The following MIPOL1 variants were observed in gnomAD, a reference collection of about 807,000 sequenced individuals.
MIPOL1 encodes the protein mirror-image polydactyly gene 1 protein.
Under a neutral mutation model 60.9 loss-of-function variants are expected in MIPOL1, and 57 were observed. That is an observed-to-expected ratio of 0.94 (90% CI 0.76 to 1.17). The LOEUF (loss-of-function observed/expected upper bound fraction) is 1.17, where lower values mean the gene tolerates loss of function less well. Ranked by LOEUF, MIPOL1 falls within the 50% of genes most tolerant of loss-of-function variation. The probability of loss-of-function intolerance (pLI) is 0.00; values close to 1 mark genes in which losing one functional copy is unlikely to be tolerated. For missense variants in MIPOL1, 551 were observed against 511.6 expected, an observed-to-expected ratio of 1.08 and a Z score of -0.74; for synonymous variants, 179 against 168.8, an observed-to-expected ratio of 1.06 and a Z score of -0.47.
chr14:37,356,780 C>T (rs150067355), intron 9 of MIPOL1, among the ~76,000 whole-genome samples: 4,653 of 152,256 alleles, frequency 0.031, 85 homozygotes, highest in Middle Eastern at 0.092. Context: ...GCACGGTGCG[C>T]GAACCCACTG....
intron 7 of MIPOL1, 101 bp from the exon 8 acceptor site, chr14:37,307,955 C>T (rs771122992): frequency 3.3e-6 from 3 of 920,774 alleles, no homozygotes; most frequent in Admixed American, 2.1e-5. Flanking sequence ...AAAGACTAGT[C>T]GAATGAAATT....
At chr14:37,425,692 G>A (rs1384482810) in intron 11 of MIPOL1, among the ~76,000 whole-genome samples, 3 of 152,148 alleles carry the variant, frequency 2.0e-5, no homozygotes, top group Non-Finnish European at 4.4e-5. Context: ...CCAATGTTAA[G>A]ATATATTTCT....
chr14:37,351,811 C>A (rs1470824459), intron 9 of MIPOL1, among the ~76,000 whole-genome samples: 4 of 139,978 alleles, frequency 2.9e-5, no homozygotes, highest in Non-Finnish European at 4.7e-5. Flanking sequence ...GGATATTAGC[C>A]CTTTGTCAGA....
chr14:37,472,176 C>T (rs549420270), intron 11 of MIPOL1, among the ~76,000 whole-genome samples: 1 of 152,210 alleles, frequency 6.6e-6, no homozygotes, highest in Admixed American at 6.5e-5. Flanking sequence ...AGCATCAGTG[C>T]TTGTCCCTAA....
intron 1 of MIPOL1, among the ~76,000 whole-genome samples, chr14:37,199,213 G>A (rs1470979910): frequency 2.0e-5 from 3 of 152,158 alleles, no homozygotes. Context: ...CATGTATCCA[G>A]TATCTAGATC....
At position 37,517,691 on chromosome 14, in the gene MIPOL1, A is replaced by G. The variant is rs149529432; in HGVS notation, c.1262+17553A>G. Among the ~76,000 whole-genome samples, 828 of 152,304 alleles carry G rather than the reference A, an allele frequency of 5.4e-3. 6 individuals are homozygous for G. The highest frequency in any genetic ancestry group is 9.3e-3 in the Non-Finnish European group (635 of 68,006). ...ACATAGTGTAATACAATGCAACTGT[A>G]AAAAAGAATAAGGACGATATCTATA... On this transcript the variant is annotated intron_variant, in intron 12 of 12. Transcript: ENST00000684589.
At chr14:37,518,735 T>G (rs976943741) in intron 12 of MIPOL1, among the ~76,000 whole-genome samples, 2 of 152,136 alleles carry the variant, frequency 1.3e-5, no homozygotes, top group Non-Finnish European at 2.9e-5. Context: ...CTAAGTACCA[T>G]TTCCCATTAA....
At chr14:37,285,289 T>C (rs767134423) in intron 6 of MIPOL1, 29 bp from the exon 7 acceptor site, 25 of 1,612,234 alleles carry the variant, frequency 1.6e-5, no homozygotes, top group African/African-American at 2.7e-5. Context: ...TTTTGTATGA[T>C]TGATTGTGCG....
intron 7 of MIPOL1, among the ~76,000 whole-genome samples, chr14:37,296,435 G>A (rs187138882): frequency 3.3e-5 from 5 of 152,174 alleles, no homozygotes; most frequent in African/African-American, 1.2e-4. Context: ...GCTAGCATAA[G>A]GCAAGAAATA....
intron 11 of MIPOL1, among the ~76,000 whole-genome samples, chr14:37,488,456 A>C (rs1310691728): frequency 1.3e-5 from 2 of 152,154 alleles, no homozygotes; most frequent in African/African-American, 4.8e-5. Flanking sequence ...TGGGAGTCTA[A>C]GTCTCTTTGT....
intron 12 of MIPOL1, among the ~76,000 whole-genome samples, chr14:37,524,316 G>A (rs777211348): frequency 6.6e-6 from 1 of 152,080 alleles, no homozygotes; most frequent in Non-Finnish European, 1.5e-5. Flanking sequence ...GAGAGAAATA[G>A]TGACATGAGA....
At chr14:37,343,998 T>A (rs1483049358) in intron 9 of MIPOL1, among the ~76,000 whole-genome samples, 3 of 152,170 alleles carry the variant, frequency 2.0e-5, no homozygotes, top group Non-Finnish European at 4.4e-5. Context: ...TTACTCCTAT[T>A]ATTTTGAAGG....
chr14:37,403,128 C>CT (rs372018995), intron 10 of MIPOL1, among the ~76,000 whole-genome samples: 2 of 152,122 alleles, frequency 1.3e-5, no homozygotes, highest in African/African-American at 2.4e-5. Flanking sequence ...AAAGTTAGAT[C>CT]TTTTTTTAAA....
rs142526888 is a variant in MIPOL1 at position 37,324,015 on chromosome 14, G to A, written c.828+15496G>A. 2.5e-3 allele frequency among the ~76,000 whole-genome samples: 373 copies of A among 152,092 alleles called. 3 individuals are homozygous for A. The highest frequency in any genetic ancestry group is 8.4e-3 in the African/African-American group (349 of 41,552). ...GTTTTTATCTATTATGATTAAGACTGCCATGAGAATTCTTGTATAGGTCTT... is the reference window on the plus strand; with the variant it reads ...GTTTTTATCTATTATGATTAAGACTACCATGAGAATTCTTGTATAGGTCTT... On this transcript the variant is annotated intron_variant, in intron 9 of 12. Transcript: ENST00000684589.
chr14:37,209,651 C>G (rs1044429154), intron 1 of MIPOL1, among the ~76,000 whole-genome samples: 1 of 152,160 alleles, frequency 6.6e-6, no homozygotes, highest in Non-Finnish European at 1.5e-5. Flanking sequence ...CAGAGCAAGA[C>G]TCCATCTCAA....
intron 3 of MIPOL1, among the ~76,000 whole-genome samples, chr14:37,252,518 C>T (rs1339856933): frequency 6.6e-6 from 1 of 151,794 alleles, no homozygotes; most frequent in Non-Finnish European, 1.5e-5. Context: ...CACAGTAACA[C>T]AAATTTTTTT....
chr14:37,216,482 A>C (rs1322184234), intron 1 of MIPOL1, among the ~76,000 whole-genome samples: 1 of 152,240 alleles, frequency 6.6e-6, no homozygotes, highest in Non-Finnish European at 1.5e-5. Flanking sequence ...CAGAATACAC[A>C]TTCTTTTCCT....
At chr14:37,216,447 T>TA (rs1244255669) in intron 1 of MIPOL1, among the ~76,000 whole-genome samples, 6 of 152,180 alleles carry the variant, frequency 3.9e-5, no homozygotes, top group Non-Finnish European at 5.9e-5. Flanking sequence ...AATAGATAGT[T>TA]ACAGAACATT....
intron 11 of MIPOL1, among the ~76,000 whole-genome samples, chr14:37,442,324 T>C (rs887409501): frequency 6.6e-6 from 1 of 152,088 alleles, no homozygotes; most frequent in Admixed American, 6.6e-5. Context: ...CAAAGAGAGA[T>C]GGTTTGACTT....
Sources: gnomAD v4.1 joint callset for allele counts (sites outside exome capture counted in the v4.1 genomes callset) on GRCh38, gnomAD v4.1.1 for gene constraint, MANE v1.5 for transcripts, NCBI Gene and HGNC (gene_info 2026-07-23, HGNC 2026-07-21) for gene names.